Variants in COL21A1 observed in about 807,000 individuals in gnomAD.
The protein encoded by COL21A1 is collagen alpha-1(XXI) chain.
A neutral mutation model predicts 137.9 loss-of-function variants in COL21A1; 149 were observed. The ratio of observed to expected loss-of-function variants is 1.08; its 90% CI spans 0.95 to 1.24. COL21A1 has a LOEUF of 1.24. Ranked by LOEUF, COL21A1 falls within the 50% of genes most tolerant of loss-of-function variation. COL21A1 has a pLI of 0.00. For missense variants in COL21A1, 1,167 were observed against 1,158.4 expected, an observed-to-expected ratio of 1.01 and a Z score of -0.11; for synonymous variants, 456 against 391.5, an observed-to-expected ratio of 1.16 and a Z score of -1.95.
At chr6:56,057,974 G>A in intron 29 of COL21A1, 130 bp from the exon 30 acceptor site, 2 of 586,270 alleles carry the variant, frequency 3.4e-6, no homozygotes, top group Non-Finnish European at 2.8e-6. Flanking sequence ...TAATTATATA[G>A]TAGAGGCATT....
At chr6:56,219,803 CACTG>C (rs1340284545) in intron 1 of COL21A1, among the ~76,000 whole-genome samples, 1 of 152,050 alleles carries the variant, frequency 6.6e-6, no homozygotes, top group Admixed American at 6.6e-5. Context: ...CCCATCTATC[CACTG>C]ACTTACACTT....
chr6:56,188,615 A>T (rs1448071808), intron 1 of COL21A1, among the ~76,000 whole-genome samples: 3 of 152,240 alleles, frequency 2.0e-5, no homozygotes, highest in African/African-American at 7.2e-5. Context: ...TGGACATGCC[A>T]GCACAGCGTT....
chr6:56,176,802 T>C (rs532919612), intron 3 of COL21A1, among the ~76,000 whole-genome samples: 3 of 150,296 alleles, frequency 2.0e-5, no homozygotes, highest in African/African-American at 7.3e-5. Flanking sequence ...CTAGGTTTCA[T>C]GTTAATGTGT....
intron 27 of COL21A1, 189 bp downstream of exon 27, chr6:56,060,552 A>T: frequency 2.0e-6 from 1 of 498,662 alleles, no homozygotes; most frequent in Non-Finnish European, 3.4e-6. Context: ...TGTCTTTATT[A>T]AAAAGATTAT....
chr6:56,098,936 C>G (rs1770158621), intron 17 of COL21A1, among the ~76,000 whole-genome samples: 2 of 150,132 alleles, frequency 1.3e-5, no homozygotes, highest in African/African-American at 4.9e-5. Context: ...AGGATGGTCT[C>G]AATCTCCTGC....
intron 1 of COL21A1, among the ~76,000 whole-genome samples, chr6:56,277,688 T>C (rs1420005781): frequency 6.6e-6 from 1 of 152,256 alleles, no homozygotes; most frequent in African/African-American, 2.4e-5. Flanking sequence ...GAAATCCACA[T>C]ATTTTAAATC....
chr6:56,098,383 A>AT, intron 17 of COL21A1, among the ~76,000 whole-genome samples: 3 of 33,118 alleles, frequency 9.1e-5, no homozygotes, highest in African/African-American at 5.0e-4. Context: ...AAATATATAT[A>AT]AATATATAAA....
Position 56,369,937 on chromosome 6 carries a change from T to C in COL21A1, c.-39+24034A>G, listed in dbSNP as rs534252052. ...GAATTAAAAGCAAGGGAAATGCTCA[T>C]GATATATTTTAATTGGAAAAGTATC... is the stretch of plus-strand genomic sequence containing the variant. On this transcript the variant is annotated intron_variant, in intron 1 of 28. Coordinates refer to the COL21A1 transcript ENST00000370819. Among the ~76,000 whole-genome samples the C allele has an allele frequency of 9.5e-4, 144 of 152,368 alleles. 1 individual carries two copies. Among genetic ancestry groups the C allele is most frequent in the African/African-American group, 3.3e-3 (139 of 41,586 alleles).
Position 56,074,265 on chromosome 6 carries a change from G to A in COL21A1, c.1932C>T (p.Gly644=). ...PGMPGLMGSN[G]SPGQPGTPGS... ...CCGGTGTTCCAGGCTGGCCTGGTGA[G>A]CCATTGCTTCCCATTAAACCCTACA... Residue 644 remains glycine, a synonymous_variant, in exon 20 of 30, where the codon GGC becomes GGT. Transcript: ENST00000244728. The A allele has an allele frequency of 1.9e-6, 3 of 1,593,426 alleles. No individual in the cohort carries two copies. Among genetic ancestry groups the A allele is most frequent in the Non-Finnish European group, 2.6e-6 (3 of 1,169,634 alleles).
chr6:56,260,689 A>AAGGC (rs1299399802), intron 1 of COL21A1, among the ~76,000 whole-genome samples: 43 of 104,770 alleles, frequency 4.1e-4, no homozygotes, highest in African/African-American at 1.5e-3. Context: ...GGAAGGAAGG[A>AAGGC]AGGCAGGCAG....
At chr6:56,294,565 A>C (rs1261588631) in intron 1 of COL21A1, among the ~76,000 whole-genome samples, 1 of 152,196 alleles carries the variant, frequency 6.6e-6, no homozygotes, top group East Asian at 1.9e-4. Context: ...CAACTGATGC[A>C]CTACTGATAC....
In COL21A1 at chr6:56,166,929, T is replaced by C. The variant is rs760951134; in HGVS notation, c.1255A>G (p.Thr419Ala). ...YCDPEQNNRE[T>A]ACEIPGFNGE... The stretch of plus-strand genomic sequence containing the variant: ...ACAAATCCAGGAATCTCACATGCTG[T>C]CTCCCGGTTGTTCTGTTCTGGGTCA... The change falls in exon 7 of 30, where the codon ACA becomes GCA. Residue 419 changes from threonine to alanine, a missense_variant. Physicochemically the swap from Thr to Ala is moderately conservative, Grantham distance 58. Transcript: ENST00000244728. 6.2e-7 allele frequency: 1 copy of C among 1,612,780 alleles called. No individual in the cohort carries two copies. The highest frequency in any genetic ancestry group is 1.1e-5 in the South Asian group (1 of 90,696).
intron 1 of COL21A1, among the ~76,000 whole-genome samples, chr6:56,196,235 C>T (rs2152294340): frequency 6.6e-6 from 1 of 152,118 alleles, no homozygotes; most frequent in East Asian, 1.9e-4. Flanking sequence ...ATAATAAAAG[C>T]CATATATGAC....
chr6:56,208,229 A>G (rs1252265554), intron 1 of COL21A1, among the ~76,000 whole-genome samples: 2 of 150,996 alleles, frequency 1.3e-5, no homozygotes, highest in Admixed American at 6.6e-5. Context: ...CAAATAGATG[A>G]TATGATTGTA....
intron 1 of COL21A1, among the ~76,000 whole-genome samples, chr6:56,213,431 T>A (rs1418151070): frequency 6.6e-6 from 1 of 152,090 alleles, no homozygotes. Flanking sequence ...CTAGCAAGTG[T>A]ACTTGCCAAT....
chr6:56,060,795 C>T lies in COL21A1; in HGVS notation c.2353G>A (p.Gly785Arg). Residue 785 changes from glycine to arginine, a missense_variant and splice_region_variant, in exon 27 of 30, where the codon GGA becomes AGA. Gly to Arg is a moderately radical substitution (Grantham distance 125). Transcript: ENST00000244728. ...QGPPGLDGKP[G>R]REFSEQFIRQ... ...ATAAATTGTTCTGAAAACTCTCTTC[C>T]CTGCATCAAAGTGTTAGGGGTTATA... 1 of 1,608,916 alleles carries T rather than the reference C, an allele frequency of 6.2e-7. No homozygotes were observed. The highest frequency in any genetic ancestry group is 8.5e-7 in the Non-Finnish European group (1 of 1,178,510).
chr6:56,202,511 C>A (rs1002498048), intron 1 of COL21A1, among the ~76,000 whole-genome samples: 2 of 151,994 alleles, frequency 1.3e-5, no homozygotes, highest in Non-Finnish European at 1.5e-5. Flanking sequence ...TGGTTTAATT[C>A]GATCTTTTTC....
chr6:56,097,773 A>G lies in COL21A1; in HGVS notation c.1812+3699T>C, dbSNP rs886111438. 2.4e-4 allele frequency among the ~76,000 whole-genome samples: 28 copies of G among 118,928 alleles called. 3 individuals are homozygous for G. The highest frequency in any genetic ancestry group is 8.3e-4 in the African/African-American group (27 of 32,348). 78.0% of individuals were successfully genotyped at this position (118,928 alleles called of 152,430 possible). On this transcript the variant is annotated intron_variant, in intron 17 of 29. Transcript: ENST00000244728. ...ATTTTTTATATATATATAAATATAT[A>G]TAAATATATAAAAATATATATATAA...
chr6:56,137,162 T>G (rs1261183785), intron 12 of COL21A1, among the ~76,000 whole-genome samples: 1 of 152,140 alleles, frequency 6.6e-6, no homozygotes, highest in African/African-American at 2.4e-5. Flanking sequence ...AAATGTAAAA[T>G]GAGGATAATT....
Sources: allele counts gnomAD v4.1 joint callset (sites outside exome capture counted in the v4.1 genomes callset), GRCh38; gene constraint gnomAD v4.1.1; transcripts MANE v1.5; gene names NCBI Gene and HGNC (gene_info 2026-07-23, HGNC 2026-07-21).